The following PTPRZ1 variants were observed in gnomAD, a reference collection of about 807,000 sequenced individuals.
PTPRZ1 encodes the protein protein tyrosine phosphatase receptor type Z1, also known as receptor-type tyrosine-protein phosphatase zeta.
Under a neutral mutation model 214.1 loss-of-function variants are expected in PTPRZ1, and 82 were observed. That is an observed-to-expected ratio of 0.38 (90% CI 0.32 to 0.46). The LOEUF (loss-of-function observed/expected upper bound fraction) is 0.46. PTPRZ1 is among the 20% of genes least tolerant of loss of function. The pLI is 1.00. For missense variants in PTPRZ1, 2,603 were observed against 2,748.7 expected (o/e 0.95, Z 1.19); for synonymous variants, 945 against 987.9 (o/e 0.96, Z 0.81).
intron 8 of PTPRZ1, among the ~76,000 whole-genome samples, chr7:121,995,110 ATT>A (rs1281917671): frequency 6.6e-6 from 1 of 150,394 alleles, no homozygotes; most frequent in African/African-American, 2.5e-5. Flanking sequence ...TATATGTAAA[ATT>A]TGTTTCCATT....
At chr7:122,043,631 T>C (rs1799796921) in intron 22 of PTPRZ1, among the ~76,000 whole-genome samples, 1 of 152,098 alleles carries the variant, frequency 6.6e-6, no homozygotes, top group African/African-American at 2.4e-5. Flanking sequence ...TTCCATCCAT[T>C]ATCCTAAGCA....
Position 121,972,521 on chromosome 7 carries a change from A to G in PTPRZ1, c.305-20A>G, listed in dbSNP as rs1040895437. The G allele has an allele frequency of 1.9e-6, 3 of 1,584,506 alleles. No individual in the cohort carries two copies. Among genetic ancestry groups the G allele is most frequent in the South Asian group, 1.2e-5 (1 of 84,746 alleles). Reference sequence around the variant, plus strand: ...TTTTGATTTTCAGAAGCTTAGGTGCAATTGTATTTCTTTTTTTAGTGGAAA... The same window carrying G: ...TTTTGATTTTCAGAAGCTTAGGTGCGATTGTATTTCTTTTTTTAGTGGAAA... On this transcript the variant is annotated intron_variant, in intron 3 of 29. Coordinates refer to ENST00000393386, the MANE Select transcript of PTPRZ1 (RefSeq NM_002851.3).
intron 2 of PTPRZ1, among the ~76,000 whole-genome samples, chr7:121,932,061 C>T (rs1324660171): frequency 6.6e-6 from 1 of 151,988 alleles, no homozygotes; most frequent in African/African-American, 2.4e-5. Context: ...AAAATTATTC[C>T]TAGAATATTT....
intron 14 of PTPRZ1, among the ~76,000 whole-genome samples, chr7:122,028,915 A>G (rs1799287468): frequency 6.6e-6 from 1 of 152,044 alleles, no homozygotes; most frequent in Admixed American, 6.6e-5. Context: ...ATAAACATTT[A>G]TAGCAATAAA....
At chr7:121,916,925 A>G (rs1292677192) in intron 1 of PTPRZ1, among the ~76,000 whole-genome samples, 1 of 152,206 alleles carries the variant, frequency 6.6e-6, no homozygotes. Context: ...TGCAACTATT[A>G]AATTGAGAAA....
chr7:122,012,297 C>A lies in PTPRZ1; in HGVS notation c.3251C>A (p.Ser1084Tyr). ...MYDNVNKLNA[S>Y]LQETSVSISS... ...GATAATGTAAATAAGTTGAATGCGT[C>A]TTTACAAGAAACCTCTGTTTCCATT... The change falls in exon 12 of 30, where the codon TCT becomes TAT. Residue 1084 changes from serine to tyrosine, a missense_variant. Coordinates refer to ENST00000393386, the MANE Select transcript of PTPRZ1 (RefSeq NM_002851.3). 6.2e-7 allele frequency: 1 copy of A among 1,614,148 alleles called. No homozygotes were observed. The highest frequency in any genetic ancestry group is 8.5e-7 in the Non-Finnish European group (1 of 1,180,018).
intron 8 of PTPRZ1, among the ~76,000 whole-genome samples, chr7:121,990,521 T>C (rs1363324435): frequency 2.8e-5 from 4 of 141,780 alleles, no homozygotes; most frequent in Admixed American, 2.8e-4. Context: ...TCTTTTTTTT[T>C]TTTTTTTTTT....
intron 1 of PTPRZ1, among the ~76,000 whole-genome samples, chr7:121,918,287 T>A (rs1795485723): frequency 6.6e-6 from 1 of 152,206 alleles, no homozygotes; most frequent in South Asian, 2.1e-4. Flanking sequence ...AAGCAAAATG[T>A]GCTGTTTTAG....
At position 122,012,961 on chromosome 7, in the gene PTPRZ1, C is replaced by G. The variant is rs143582826; in HGVS notation, c.3915C>G (p.Pro1305=). Residue 1305 remains proline (P), a synonymous_variant, in exon 12 of 30, where the codon CCC becomes CCG. Coordinates refer to ENST00000393386, the MANE Select transcript of PTPRZ1 (RefSeq NM_002851.3). ...ATTTGGAGATTAACCAGGCCCATCC[C>G]CCAAAAGGAAGGCATGTATTTGCTA... The part of the protein sequence containing the change: ...TANLEINQAH[P]PKGRHVFATP... 1.2e-5 allele frequency: 19 copies of G among 1,613,892 alleles called. No individual in the cohort carries two copies. In the African/African-American group the frequency reaches 2.3e-4, roughly 19 times the overall value.
intron 1 of PTPRZ1, among the ~76,000 whole-genome samples, chr7:121,878,702 C>T (rs776457870): frequency 1.3e-5 from 2 of 152,192 alleles, no homozygotes; most frequent in East Asian, 1.9e-4. Flanking sequence ...CTCCTTGACT[C>T]GACCACATTA....
At position 122,013,870 on chromosome 7, in the gene PTPRZ1, G is replaced by T; in HGVS notation, c.4824G>T (p.Val1608=). Residue 1608 remains valine, a synonymous_variant, in exon 12 of 30, where the codon GTG becomes GTT. Coordinates refer to ENST00000393386, the MANE Select transcript of PTPRZ1 (RefSeq NM_002851.3). The part of the protein sequence containing the change: ...TSSVTSENSE[V]FHVSEAEASN... ...CTGTTACTAGCGAGAACTCAGAAGT[G>T]TTCCACGTTTCAGAGGCAGGTTAGT... 1 of 1,608,188 alleles carries T rather than the reference G, an allele frequency of 6.2e-7. No homozygotes were observed. Among genetic ancestry groups the T allele is most frequent in the Non-Finnish European group, 8.5e-7 (1 of 1,176,604 alleles).
chr7:121,875,965 C>T (rs1794046087), intron 1 of PTPRZ1, among the ~76,000 whole-genome samples: 1 of 152,142 alleles, frequency 6.6e-6, no homozygotes, highest in East Asian at 1.9e-4. Context: ...CTAAAACTTG[C>T]TGTACAGGAG....
At chr7:121,929,512 A>G (rs1309241171) in intron 2 of PTPRZ1, among the ~76,000 whole-genome samples, 2 of 151,842 alleles carry the variant, frequency 1.3e-5, no homozygotes, top group Admixed American at 1.3e-4. Flanking sequence ...GGAAAAAAAA[A>G]AAAAAAACTT....
chr7:121,967,159 C>T (rs1415683055), intron 2 of PTPRZ1: 2 of 152,066 alleles, frequency 1.3e-5, no homozygotes, highest in Non-Finnish European at 2.9e-5. Flanking sequence ...GAAATAAAGG[C>T]AACAAAGGGC....
intron 1 of PTPRZ1, among the ~76,000 whole-genome samples, chr7:121,900,172 A>G (rs1366027844): frequency 1.3e-5 from 2 of 152,116 alleles, no homozygotes; most frequent in Non-Finnish European, 2.9e-5. Context: ...AAGAAACATG[A>G]CCAGGGAGAA....
chr7:121,994,289 C>CTTT (rs35332072), intron 8 of PTPRZ1, among the ~76,000 whole-genome samples: 34,750 of 75,012 alleles, frequency 0.46, 11,676 homozygotes, highest in South Asian at 0.59. Flanking sequence ...TAATGCATTT[C>CTTT]TTTTTTTTTT....
chr7:121,928,361 T>A, intron 2 of PTPRZ1, 140 bp downstream of exon 2: 1 of 543,630 alleles, frequency 1.8e-6, no homozygotes, highest in Non-Finnish European at 3.1e-6. Context: ...TTAATAGATA[T>A]ATAAAATATA....
chr7:121,932,282 A>G (rs1795948194), intron 2 of PTPRZ1, among the ~76,000 whole-genome samples: 1 of 152,248 alleles, frequency 6.6e-6, no homozygotes, highest in Non-Finnish European at 1.5e-5. Context: ...AAAGTGAATT[A>G]TCACTTTTTA....
chr7:122,061,123 G>T lies in PTPRZ1; in HGVS notation c.6851G>T (p.Ser2284Ile), dbSNP rs1464597694. The change falls in exon 30 of 30, where the codon AGC (serine) becomes ATC (isoleucine). Residue 2284 changes from serine to isoleucine, a missense_variant. By Grantham distance (142) the Ser-to-Ile change is moderately radical. Around this residue, in one of 6 missense-constraint regions of PTPRZ1, gnomAD observed 165 missense variants for 151.4 expected, o/e 1.09. Coordinates refer to ENST00000393386, the MANE Select transcript of PTPRZ1 (RefSeq NM_002851.3). ...TACAAAGTGATCCTCAGCCTTGTGA[G>T]CACAAGGCAGGAAGAGAATCCATCC... ...FLYKVILSLVSTRQEENPSTS... is the reference protein window; with the variant it reads ...FLYKVILSLVITRQEENPSTS... 1.2e-6 allele frequency: 2 copies of T among 1,610,066 alleles called. No homozygotes were observed. The highest frequency in any genetic ancestry group is 1.7e-6 in the Non-Finnish European group (2 of 1,176,936).
Sources: allele counts gnomAD v4.1 joint callset (sites outside exome capture counted in the v4.1 genomes callset), GRCh38; gene constraint gnomAD v4.1.1; regional missense constraint gnomAD v4.1.1; transcripts MANE v1.5; gene names NCBI Gene and HGNC (gene_info 2026-07-23, HGNC 2026-07-21).